Variants in SNX29 observed in about 807,000 individuals in gnomAD.
SNX29 encodes the protein sorting nexin-29.
In SNX29, 78 loss-of-function variants were observed where a neutral mutation model predicts 102.1. That is an observed-to-expected ratio of 0.76 (90% CI 0.64 to 0.92). The LOEUF (loss-of-function observed/expected upper bound fraction) is 0.92, where lower values mean the gene tolerates loss of function less well. Ranked by LOEUF, SNX29 falls within the 40% of genes least tolerant of loss-of-function variation. The pLI is 0.00. For missense variants in SNX29, 1,280 were observed against 1,061.7 expected (o/e 1.21, Z -2.86); for synonymous variants, 580 against 414.5 (o/e 1.40, Z -4.85).
chr16:12,361,970 C>G (rs1172645758), intron 16 of SNX29, among the ~76,000 whole-genome samples: 4 of 152,070 alleles, frequency 2.6e-5, no homozygotes, highest in Admixed American at 2.6e-4. Flanking sequence ...ATGTTAATAA[C>G]GAGCACATGC....
intron 16 of SNX29, among the ~76,000 whole-genome samples, chr16:12,365,287 C>A (rs60467313): frequency 0.062 from 9,396 of 151,714 alleles, 513 homozygotes; most frequent in African/African-American, 0.14. Context: ...GTGAATCTCT[C>A]CCTTTCTTAT....
At chr16:12,247,585 A>T (rs1343185616) in intron 14 of SNX29, among the ~76,000 whole-genome samples, 1 of 152,146 alleles carries the variant, frequency 6.6e-6, no homozygotes. Flanking sequence ...CTTCCTGGAG[A>T]GCCATCAGGT....
intron 11 of SNX29, chr16:12,090,358 T>A (rs1482383807): frequency 6.6e-6 from 1 of 152,068 alleles, no homozygotes; most frequent in Non-Finnish European, 1.5e-5. Context: ...TTCTTCCGGG[T>A]TAGGACTTTG....
In SNX29 at chr16:12,082,127, G is replaced by A. The variant is rs142839893; in HGVS notation, c.1402+3212G>A. Among the ~76,000 whole-genome samples, 71 of 152,250 alleles carry A rather than the reference G, an allele frequency of 4.7e-4. 1 individual carries two copies. The Middle Eastern group carries it at 0.021, about 44-fold the overall frequency. ...ATTCTGTCTCTGTGTGGGTGGCACCGTGGTGTAGATGGACAAGACTTGACT... is the reference window on the plus strand; with the variant it reads ...ATTCTGTCTCTGTGTGGGTGGCACCATGGTGTAGATGGACAAGACTTGACT... On this transcript the variant is annotated intron_variant, in intron 11 of 20. Coordinates refer to ENST00000566228, the MANE Select transcript of SNX29 (RefSeq NM_032167.5).
At chr16:12,559,665 A>G (rs1218974531) in intron 20 of SNX29, among the ~76,000 whole-genome samples, 1 of 151,988 alleles carries the variant, frequency 6.6e-6, no homozygotes, top group African/African-American at 2.4e-5. Context: ...CTGCTTCTCT[A>G]CCATGGGCCT....
Position 12,568,887 on chromosome 16 carries a change from C to T in SNX29, c.*258C>T, listed in dbSNP as rs2079123554. ...AGTCCTTCTGCTTCTGGGGTCTACC[C>T]TGGGCTGCAAGGGCTGTTCCTCCAC... On this transcript the variant is annotated 3_prime_UTR_variant, in exon 21 of 21. Coordinates refer to ENST00000566228, the MANE Select transcript of SNX29 (RefSeq NM_032167.5). 9.3e-6 allele frequency: 5 copies of T among 537,048 alleles called. No individual in the cohort carries two copies. Among genetic ancestry groups the T allele is most frequent in the African/African-American group, 1.9e-5 (1 of 52,096 alleles). The allele number at this position is 537,048 out of a possible 1,614,324, so 33.3% of individuals were successfully genotyped here. A position where few individuals can be genotyped will look rare whatever the true frequency, so the allele number is the denominator to read the frequency against.
intron 20 of SNX29, among the ~76,000 whole-genome samples, chr16:12,536,716 G>A (rs1270389296): frequency 3.9e-5 from 6 of 152,266 alleles, no homozygotes; most frequent in Middle Eastern, 3.4e-3. Context: ...GGTGGCTCAC[G>A]CCTGTAATCT....
At chr16:12,439,060 A>G (rs2085674857) in intron 18 of SNX29, among the ~76,000 whole-genome samples, 2 of 152,222 alleles carry the variant, frequency 1.3e-5, no homozygotes, top group African/African-American at 4.8e-5. Flanking sequence ...GGCTCAGAGC[A>G]CGTGAGAAGG....
chr16:12,045,641 T>TATTATTATTATC, intron 5 of SNX29, among the ~76,000 whole-genome samples: 1 of 147,892 alleles, frequency 6.8e-6, no homozygotes, highest in Non-Finnish European at 1.5e-5. Flanking sequence ...TTATTATTAT[T>TATTATTATTATC]ATTATTTTGA....
chr16:12,432,601 G>A (rs948432000), intron 18 of SNX29, among the ~76,000 whole-genome samples: 4 of 152,230 alleles, frequency 2.6e-5, no homozygotes, highest in African/African-American at 4.8e-5. Flanking sequence ...GAGCAGCAAC[G>A]CCACACACGT....
chr16:12,194,754 C>A (rs1049095399), intron 13 of SNX29, among the ~76,000 whole-genome samples: 4 of 151,560 alleles, frequency 2.6e-5, no homozygotes, highest in African/African-American at 9.7e-5. Context: ...AGCCTCCCGA[C>A]CAGCTGGGAT....
At chr16:12,124,337 C>T (rs2054111551) in intron 11 of SNX29, among the ~76,000 whole-genome samples, 1 of 145,110 alleles carries the variant, frequency 6.9e-6, no homozygotes, top group South Asian at 2.2e-4. Context: ...TCCTGGGTGA[C>T]AGAGTGGGAC....
intron 20 of SNX29, among the ~76,000 whole-genome samples, chr16:12,527,566 C>T (rs2076820308): frequency 6.6e-6 from 1 of 152,166 alleles, no homozygotes; most frequent in African/African-American, 2.4e-5. Context: ...TGTTTCACAG[C>T]ACCCATCTCA....
chr16:12,541,592 C>G (rs967875169), intron 20 of SNX29, among the ~76,000 whole-genome samples: 6 of 152,336 alleles, frequency 3.9e-5, no homozygotes, highest in African/African-American at 7.2e-5. Context: ...GACCTCAACC[C>G]TGAGGTCACA....
intron 17 of SNX29, among the ~76,000 whole-genome samples, chr16:12,400,827 T>C (rs1431625111): frequency 6.6e-6 from 1 of 152,068 alleles, no homozygotes; most frequent in East Asian, 1.9e-4. Flanking sequence ...TTCATTTATT[T>C]ATTTATTTAT....
intron 3 of SNX29, among the ~76,000 whole-genome samples, chr16:12,017,364 T>C (rs2056882811): frequency 1.3e-5 from 2 of 152,224 alleles, no homozygotes; most frequent in Non-Finnish European, 2.9e-5. Flanking sequence ...CTTTTGTGGT[T>C]GATTTCTTCA....
intron 2 of SNX29, 22 bp downstream of exon 2, chr16:11,999,380 G>C (rs762649488): frequency 6.2e-7 from 1 of 1,613,352 alleles, no homozygotes; most frequent in African/African-American, 1.3e-5. Context: ...GCACACATTT[G>C]CCTTTTTGGT....
At chr16:12,273,348 T>C (rs2079147930) in intron 14 of SNX29, among the ~76,000 whole-genome samples, 1 of 151,994 alleles carries the variant, frequency 6.6e-6, no homozygotes, top group Non-Finnish European at 1.5e-5. Flanking sequence ...TTTTGTTTTT[T>C]TTTTTTTGTT....
At chr16:12,199,456 T>C (rs1315274443) in intron 13 of SNX29, 145 bp from the exon 14 acceptor site, 8 of 637,300 alleles carry the variant, frequency 1.3e-5, no homozygotes, top group Non-Finnish European at 1.9e-5. Context: ...CGTGATGATA[T>C]CTAAACCATG....
Sources: gnomAD v4.1 joint callset for allele counts (sites outside exome capture counted in the v4.1 genomes callset) on GRCh38, gnomAD v4.1.1 for gene constraint, MANE v1.5 for transcripts, NCBI Gene and HGNC (gene_info 2026-07-23, HGNC 2026-07-21) for gene names.